The following TGFBR3 variants were observed in gnomAD, a reference collection of about 807,000 sequenced individuals.
TGFBR3 encodes the protein transforming growth factor beta receptor type 3.
In TGFBR3, 46 loss-of-function variants were observed where a neutral mutation model predicts 87.9. That is an observed-to-expected ratio of 0.52 (90% CI 0.41 to 0.67). The LOEUF (loss-of-function observed/expected upper bound fraction) is 0.67. TGFBR3 is among the 30% of genes least tolerant of loss of function. The pLI, the probability that TGFBR3 is intolerant of heterozygous loss-of-function variation, is 0.00. For missense variants in TGFBR3, 866 were observed against 1,041.9 expected, an observed-to-expected ratio of 0.83 and a Z score of 2.32; for synonymous variants, 381 against 391.6, an observed-to-expected ratio of 0.97 and a Z score of 0.32.
At chr1:91,759,184 C>T (rs1673861861) in intron 3 of TGFBR3, among the ~76,000 whole-genome samples, 1 of 152,094 alleles carries the variant, frequency 6.6e-6, no homozygotes, top group South Asian at 2.1e-4. Flanking sequence ...AAATGACTTT[C>T]TTCTCCTCCA....
At chr1:91,697,977 G>T in intron 15 of TGFBR3, 112 bp downstream of exon 15, 2 of 975,832 alleles carry the variant, frequency 2.0e-6, no homozygotes, top group South Asian at 1.3e-5. Flanking sequence ...AAGGGGGAAT[G>T]AGAGCAGAAG....
chr1:91,775,158 T>C (rs775904674), intron 3 of TGFBR3, among the ~76,000 whole-genome samples: 2 of 152,220 alleles, frequency 1.3e-5, no homozygotes, highest in Admixed American at 1.3e-4. Flanking sequence ...GCATTTCTCC[T>C]TATAGAACCA....
Position 91,773,509 on chromosome 1 carries a change from G to C in TGFBR3, c.247-14759C>G, listed in dbSNP as rs535177424. Among the ~76,000 whole-genome samples the C allele has an allele frequency of 3.9e-5, 6 of 152,194 alleles. No homozygotes were observed. In the South Asian group the frequency reaches 1.2e-3, roughly 32 times the overall value. On this transcript the variant is annotated intron_variant, in intron 3 of 16. Transcript: ENST00000212355. Reference sequence around the variant, plus strand: ...AGCCTGGCCAATATGGTGAAACCCCGTCTCTACTAAAAAATACAAAAATTA... The same window carrying C: ...AGCCTGGCCAATATGGTGAAACCCCCTCTCTACTAAAAAATACAAAAATTA...
intron 2 of TGFBR3, among the ~76,000 whole-genome samples, chr1:91,892,283 C>G (rs1679467323): frequency 6.6e-6 from 1 of 152,188 alleles, no homozygotes; most frequent in Non-Finnish European, 1.5e-5. Context: ...CTTGCTCTCC[C>G]AACAGCAGGG....
intron 12 of TGFBR3, among the ~76,000 whole-genome samples, chr1:91,713,252 C>G (rs766260998): frequency 1.3e-5 from 2 of 152,190 alleles, no homozygotes; most frequent in African/African-American, 2.4e-5. Flanking sequence ...GTTTCCGACT[C>G]ATTTATACTT....
At chr1:91,898,842 A>G (rs1281049561) in intron 2 of TGFBR3, among the ~76,000 whole-genome samples, 1 of 151,976 alleles carries the variant, frequency 6.6e-6, no homozygotes, top group Non-Finnish European at 1.5e-5. Flanking sequence ...TGATTTTAAA[A>G]CCCATCTGTG....
intron 6 of TGFBR3, among the ~76,000 whole-genome samples, chr1:91,729,067 C>T (rs1013380474): frequency 2.4e-4 from 31 of 127,622 alleles, no homozygotes; most frequent in African/African-American, 9.2e-4. Flanking sequence ...CACACACACA[C>T]ACACACACAC....
Position 91,791,208 on chromosome 1 carries a change from G to A in TGFBR3, c.246+6079C>T, listed in dbSNP as rs150330875. 1.3e-3 allele frequency among the ~76,000 whole-genome samples: 196 copies of A among 152,240 alleles called. 2 individuals carry two copies. Among genetic ancestry groups the A allele is most frequent in the East Asian group, 7.7e-4 (4 of 5,172 alleles). ...GTTAAAACAAGTTTGGATACAAGAC[G>A]TAGTAAATTATAAGCAGAGGACAGG... On this transcript the variant is annotated intron_variant, in intron 3 of 16. Transcript: ENST00000212355.
At chr1:91,703,820 A>G (rs1243526113) in intron 14 of TGFBR3, among the ~76,000 whole-genome samples, 1 of 152,196 alleles carries the variant, frequency 6.6e-6, no homozygotes, top group Non-Finnish European at 1.5e-5. Flanking sequence ...ATATGCATAA[A>G]CTATTTATGT....
At chr1:91,709,494 A>T (rs1671907662) in intron 13 of TGFBR3, among the ~76,000 whole-genome samples, 1 of 152,180 alleles carries the variant, frequency 6.6e-6, no homozygotes, top group African/African-American at 2.4e-5. Flanking sequence ...CTCCAATAAG[A>T]TAATCATGTT....
chr1:91,718,765 G>A (rs1202845483), intron 10 of TGFBR3, among the ~76,000 whole-genome samples: 1 of 152,188 alleles, frequency 6.6e-6, no homozygotes, highest in African/African-American at 2.4e-5. Flanking sequence ...TTCAAAAGTA[G>A]GAGAGTTTCT....
intron 2 of TGFBR3, among the ~76,000 whole-genome samples, chr1:91,818,276 GCCTTTTTTTTTTTTTTTTTTTTTTTTT>G (rs1676309184): frequency 4.4e-5 from 1 of 22,592 alleles, no homozygotes; most frequent in East Asian, 5.9e-4. Flanking sequence ...CTTAGCCCCA[GCCTTTTTTTTTTTTTTTTTTTTTTTTT>G]TTTTTTTTTT....
chr1:91,777,892 C>T (rs1272603581), intron 3 of TGFBR3, among the ~76,000 whole-genome samples: 3 of 152,152 alleles, frequency 2.0e-5, no homozygotes, highest in Admixed American at 2.0e-4. Context: ...GTCCAACTGC[C>T]TGGTTCTAAT....
intron 16 of TGFBR3, among the ~76,000 whole-genome samples, chr1:91,688,747 C>T (rs1357182106): frequency 1.3e-5 from 2 of 152,086 alleles, no homozygotes; most frequent in Non-Finnish European, 2.9e-5. Flanking sequence ...AAAAGTCAAG[C>T]GCATACCCAA....
intron 1 of TGFBR3, among the ~76,000 whole-genome samples, chr1:91,874,772 C>A (rs1390245317): frequency 6.6e-6 from 1 of 152,052 alleles, no homozygotes. Context: ...GGATTACAGG[C>A]GTGAGCCACT....
At chr1:91,832,323 A>G (rs1329244447) in intron 2 of TGFBR3, among the ~76,000 whole-genome samples, 1 of 151,998 alleles carries the variant, frequency 6.6e-6, no homozygotes, top group Non-Finnish European at 1.5e-5. Flanking sequence ...TGATATACAG[A>G]GACAATCGAT....
intron 2 of TGFBR3, among the ~76,000 whole-genome samples, chr1:91,892,380 T>C (rs1339069589): frequency 6.6e-6 from 1 of 152,074 alleles, no homozygotes; most frequent in Non-Finnish European, 1.5e-5. Context: ...TGTTTATCTG[T>C]TTTCTGTTTA....
chr1:91,723,967 G>A (rs1165677867), intron 7 of TGFBR3, among the ~76,000 whole-genome samples: 2 of 152,198 alleles, frequency 1.3e-5, no homozygotes, highest in East Asian at 3.8e-4. Context: ...CTATGTGGTT[G>A]TGGGATATTG....
Position 91,761,305 on chromosome 1 carries a change from T to C in TGFBR3, c.247-2555A>G, listed in dbSNP as rs533708376. 7.9e-5 allele frequency among the ~76,000 whole-genome samples: 12 copies of C among 152,358 alleles called. No individual in the cohort carries two copies. In the South Asian group the frequency reaches 2.5e-3, roughly 32 times the overall value. Reference sequence around the variant, plus strand: ...AAATTTTCCAGATGGTCAAAAGTGCTGAGGCCTGGCTCATACAATCAAGGG... The same window carrying C: ...AAATTTTCCAGATGGTCAAAAGTGCCGAGGCCTGGCTCATACAATCAAGGG... On this transcript the variant is annotated intron_variant, in intron 3 of 16. Transcript: ENST00000212355.
Sources: allele counts gnomAD v4.1 joint callset (sites outside exome capture counted in the v4.1 genomes callset), GRCh38; gene constraint gnomAD v4.1.1; transcripts MANE v1.5; gene names NCBI Gene and HGNC (gene_info 2026-07-23, HGNC 2026-07-21).